NOP9: variants seen among roughly 807,000 people sequenced by gnomAD.
NOP9 encodes nucleolar protein 9.
Under a neutral mutation model 63.0 loss-of-function variants are expected in NOP9, and 50 were observed. The observed-to-expected ratio is 0.79, with a 90% CI of 0.63 to 1.00. The LOEUF (loss-of-function observed/expected upper bound fraction) is 1.00, where lower values mean the gene tolerates loss of function less well. Among genes scored for constraint, NOP9 ranks in the 50% least tolerant of loss-of-function variants. The pLI, the probability that NOP9 is intolerant of heterozygous loss-of-function variation, is 0.00. For synonymous variants in NOP9, 343 were observed against 332.8 expected (o/e 1.03, Z -0.33); for missense variants, 758 against 803.0 (o/e 0.94, Z 0.68).
At chr14:24,287,008 G>A in the NOP9 span, among the ~76,000 whole-genome samples, 1 of 152,108 alleles carries the variant, frequency 6.6e-6, no homozygotes. Context: ...TCCTGCCTCA[G>A]CTTCCCGAGA....
the NOP9 span, chr14:24,291,421 C>G: frequency 8.9e-7 from 1 of 1,120,842 alleles, no homozygotes; most frequent in Non-Finnish European, 1.4e-6. Context: ...GAATGCTGAC[C>G]CCTTGGGCCT....
chr14:24,279,574 G>A, the NOP9 span, among the ~76,000 whole-genome samples: 1 of 152,244 alleles, frequency 6.6e-6, no homozygotes, highest in Non-Finnish European at 1.5e-5. Context: ...ACTCAGGTTG[G>A]CGTCTCTTGG....
chr14:24,291,358 T>C, the NOP9 span: 1 of 1,108,550 alleles, frequency 9.0e-7, no homozygotes, highest in Non-Finnish European at 1.4e-6. Flanking sequence ...GGCCTTGGAC[T>C]TTTTCCACAC....
In NOP9 at chr14:24,307,279, T is replaced by C; in HGVS notation, c.*2184T>C. The C allele has an allele frequency of 7.2e-7, 1 of 1,392,560 alleles. No homozygotes were observed. The highest frequency in any genetic ancestry group is 1.4e-5 in the African/African-American group (1 of 69,958). The allele number at this position is 1,392,560 out of a possible 1,614,324, so 86.3% of individuals were successfully genotyped here. A position where few individuals can be genotyped will look rare whatever the true frequency, so the allele number is the denominator to read the frequency against. Reference sequence around the variant, plus strand: ...TCAGAGGGAGGGGCAGCTGTGTGACTTCAGCCCTCTGCTCCATCATCACAA... The same window carrying C: ...TCAGAGGGAGGGGCAGCTGTGTGACCTCAGCCCTCTGCTCCATCATCACAA... On this transcript the variant is annotated 3_prime_UTR_variant, in exon 10 of 10. Transcript: ENST00000267425.
In NOP9 at chr14:24,300,354, A is replaced by G. The variant is rs548473650; in HGVS notation, c.248-54A>G. 3.8e-6 allele frequency: 6 copies of G among 1,574,394 alleles called. No individual in the cohort carries two copies. In the African/African-American group the frequency reaches 4.0e-5, roughly 11 times the overall value. ...ACGACCCTTGGTTAAGCGAGGGTACATAACTGTATTCTCTACTAAGTCTCT... is the reference window on the plus strand; with the variant it reads ...ACGACCCTTGGTTAAGCGAGGGTACGTAACTGTATTCTCTACTAAGTCTCT... On this transcript the variant is annotated intron_variant, in intron 1 of 9. Coordinates refer to ENST00000267425, the MANE Select transcript of NOP9 (RefSeq NM_174913.3).
rs370074153 is a variant in NOP9 at position 24,302,110 on chromosome 14, T to C, written c.950+4T>C. The C allele has an allele frequency of 6.2e-7, 1 of 1,612,528 alleles. No individual in the cohort carries two copies. The highest frequency in any genetic ancestry group is 8.5e-7 in the Non-Finnish European group (1 of 1,179,022). On this transcript the variant is annotated splice_donor_region_variant and intron_variant, in intron 4 of 9. Transcript: ENST00000267425. ...GCGGTTCCTCAGTAGATGGCAGGTATGGTCAGGGCCTCAGGATCGACCCAA... is the reference window on the plus strand; with the variant it reads ...GCGGTTCCTCAGTAGATGGCAGGTACGGTCAGGGCCTCAGGATCGACCCAA...
At chr14:24,286,694 G>A in the NOP9 span, among the ~76,000 whole-genome samples, 1 of 151,942 alleles carries the variant, frequency 6.6e-6, no homozygotes. Context: ...CCAGGTTCAC[G>A]CCATTCTCCT....
rs1237384717 is a variant in NOP9 at position 24,306,851 on chromosome 14, C to T, written c.*1756C>T. On this transcript the variant is annotated 3_prime_UTR_variant, in exon 10 of 10. Transcript: ENST00000267425. The stretch of plus-strand genomic sequence containing the variant: ...CTGTCTTATCTACAATGCTGCACCT[C>T]ACTTCCCACACCCTCAAGAGTTCTC... 8 of 385,894 alleles carry T rather than the reference C, an allele frequency of 2.1e-5. No individual in the cohort carries two copies. The highest frequency in any genetic ancestry group is 5.1e-5 in the East Asian group (1 of 19,454). 23.9% of individuals were successfully genotyped at this position (385,894 alleles called of 1,614,324 possible).
chr14:24,286,227 T>G, the NOP9 span, among the ~76,000 whole-genome samples: 1 of 152,166 alleles, frequency 6.6e-6, no homozygotes, highest in Admixed American at 6.5e-5. Flanking sequence ...ATGGCATCCC[T>G]CAAGCCAGGG....
rs755736438 is a variant in NOP9 at position 24,307,856 on chromosome 14, C to T, written c.*2761C>T. ...TGGGGTTCAGAGCTGAGAGGTACTC[C>T]ATGGTGGACCGGAGAGTTCCTTCCC... On this transcript the variant is annotated 3_prime_UTR_variant, in exon 10 of 10. Transcript: ENST00000267425. The T allele has an allele frequency of 2.5e-6, 4 of 1,590,860 alleles. No homozygotes were observed. The highest frequency in any genetic ancestry group is 2.6e-6 in the Non-Finnish European group (3 of 1,168,100).
chr14:24,298,865 T>C (rs1351525661), upstream of NOP9: 10 of 1,363,698 alleles, frequency 7.3e-6, no homozygotes, highest in South Asian at 4.3e-5. Context: ...AGTAGTATTA[T>C]AGTTTCAGGT....
chr14:24,278,285 C>T, the NOP9 span, among the ~76,000 whole-genome samples: 1 of 152,148 alleles, frequency 6.6e-6, no homozygotes, highest in African/African-American at 2.4e-5. Context: ...TCAGCTCTAT[C>T]TTAGGATATG....
the NOP9 span, among the ~76,000 whole-genome samples, chr14:24,282,119 G>A: frequency 3.3e-5 from 5 of 152,132 alleles, no homozygotes; most frequent in African/African-American, 7.2e-5. Flanking sequence ...CCCAGGAGGC[G>A]GAGGTTGTAG....
chr14:24,292,043 A>T, the NOP9 span: 2 of 1,072,600 alleles, frequency 1.9e-6, no homozygotes, highest in Non-Finnish European at 2.8e-6. Context: ...TTACAGGATT[A>T]AAGGAAATAA....
At chr14:24,292,470 G>T in the NOP9 span, 1 of 1,468,726 alleles carries the variant, frequency 6.8e-7, no homozygotes, top group Non-Finnish European at 9.3e-7. Flanking sequence ...ACGCTCCCCA[G>T]TGTGATGCCT....
chr14:24,292,140 C>A, the NOP9 span: 7 of 1,611,858 alleles, frequency 4.3e-6, no homozygotes, highest in Non-Finnish European at 5.9e-6. Flanking sequence ...GATGCAGAGG[C>A]CGACTCCCCT....
At chr14:24,299,803 G>A (rs976698986), upstream of NOP9, 1 of 1,025,994 alleles carries the variant, frequency 9.7e-7, no homozygotes, top group Non-Finnish European at 1.4e-6. Flanking sequence ...CACCCCGCCC[G>A]GCTGGGGCGG....
rs368493228 is a variant in NOP9 at position 24,305,052 on chromosome 14, T to A, written c.1868T>A (p.Val623Glu). 1.9e-6 allele frequency: 3 copies of A among 1,595,604 alleles called. No homozygotes were observed. The highest frequency in any genetic ancestry group is 2.7e-5 in the African/African-American group (2 of 73,942). Residue 623 changes from valine to glutamate, a missense_variant, in exon 10 of 10, where the codon GTG becomes GAG. Transcript: ENST00000267425. ...REAWEQQQGA[V>E]AKRRRALNSI... Reference sequence around the variant, plus strand: ...GCTTGGGAACAGCAGCAGGGTGCGGTGGCCAAGCGGAGGCGGGCATTGAAC... The same window carrying A: ...GCTTGGGAACAGCAGCAGGGTGCGGAGGCCAAGCGGAGGCGGGCATTGAAC...
At position 24,308,263 on chromosome 14, in the gene NOP9, C is replaced by G. The variant is rs1296792631; in HGVS notation, c.*3168C>G. The G allele has an allele frequency of 1.1e-5, 3 of 262,394 alleles. No homozygotes were observed. The highest frequency in any genetic ancestry group is 2.3e-5 in the Non-Finnish European group (3 of 132,850). 16.3% of individuals were successfully genotyped at this position (262,394 alleles called of 1,614,324 possible). A position where few individuals can be genotyped will look rare whatever the true frequency, so the allele number is the denominator to read the frequency against. On this transcript the variant is annotated 3_prime_UTR_variant, in exon 10 of 10. Transcript: ENST00000267425. ...GAGAAGCTGCAGTTTATGAGTGGCT[C>G]TGTGTGTGCTGCCACCTACTGGAGA...
Sources: gnomAD v4.1 joint callset for allele counts (sites outside exome capture counted in the v4.1 genomes callset) on GRCh38, gnomAD v4.1.1 for gene constraint, MANE v1.5 for transcripts, NCBI Gene and HGNC (gene_info 2026-07-23, HGNC 2026-07-21) for gene names.